Variants in ATP8A2 observed in about 807,000 individuals in gnomAD.
The protein encoded by ATP8A2 is phospholipid-transporting ATPase IB.
In ATP8A2, 100 loss-of-function variants were observed where a neutral mutation model predicts 165.6. The ratio of observed to expected loss-of-function variants is 0.60; its 90% CI spans 0.51 to 0.71. The LOEUF (loss-of-function observed/expected upper bound fraction) is 0.71. ATP8A2 is among the 30% of genes least tolerant of loss of function. The probability of loss-of-function intolerance (pLI) is 0.00; values close to 1 mark genes in which losing one functional copy is unlikely to be tolerated. For missense variants in ATP8A2, 1,227 were observed against 1,479.5 expected (o/e 0.83, Z 2.80); for synonymous variants, 543 against 548.8 (o/e 0.99, Z 0.15).
chr13:25,585,490 T>C (rs1209164877), intron 23 of ATP8A2, among the ~76,000 whole-genome samples: 1 of 152,182 alleles, frequency 6.6e-6, no homozygotes, highest in Non-Finnish European at 1.5e-5. Flanking sequence ...TTAAACCATT[T>C]CTGAATTGAA....
intron 2 of ATP8A2, among the ~76,000 whole-genome samples, chr13:25,481,518 G>A (rs1038472159): frequency 2.6e-5 from 4 of 152,214 alleles, no homozygotes; most frequent in African/African-American, 7.2e-5. Context: ...ATTGGATAAA[G>A]TGATGGATGA....
intron 24 of ATP8A2, among the ~76,000 whole-genome samples, chr13:25,640,079 G>A (rs2041476558): frequency 6.6e-6 from 1 of 152,174 alleles, no homozygotes; most frequent in Non-Finnish European, 1.5e-5. Context: ...AAACATACCA[G>A]AATCTCTGAG....
intron 4 of ATP8A2, among the ~76,000 whole-genome samples, chr13:25,531,219 G>GTT (rs1163954912): frequency 7.7e-5 from 9 of 116,866 alleles, no homozygotes; most frequent in African/African-American, 1.8e-4. Flanking sequence ...TGTTATATAT[G>GTT]ATATATGTTA....
At chr13:25,428,194 GTC>G (rs992259208) in intron 1 of ATP8A2, among the ~76,000 whole-genome samples, 13 of 150,172 alleles carry the variant, frequency 8.7e-5, no homozygotes, top group African/African-American at 3.2e-4. Context: ...AAAAAAAAAA[GTC>G]TGTTAATTAA....
At chr13:25,792,806 G>A (rs559530557) in intron 27 of ATP8A2, among the ~76,000 whole-genome samples, 1 of 151,874 alleles carries the variant, frequency 6.6e-6, no homozygotes, top group South Asian at 2.1e-4. Context: ...TGTAGTCCTA[G>A]CTAGCTCCTT....
chr13:25,910,618 G>T (rs1171114533), intron 33 of ATP8A2, among the ~76,000 whole-genome samples: 1 of 152,160 alleles, frequency 6.6e-6, no homozygotes, highest in Non-Finnish European at 1.5e-5. Flanking sequence ...GGGACAACGG[G>T]TGTCTCCTAT....
chr13:25,679,376 A>C (rs1034242993), intron 24 of ATP8A2, among the ~76,000 whole-genome samples: 2 of 152,216 alleles, frequency 1.3e-5, no homozygotes, highest in African/African-American at 4.8e-5. Context: ...GAGGTTTTGC[A>C]ACAGAATGTT....
chr13:25,842,533 G>A (rs1162150397), intron 30 of ATP8A2, among the ~76,000 whole-genome samples: 2 of 152,208 alleles, frequency 1.3e-5, no homozygotes, highest in East Asian at 1.9e-4. Flanking sequence ...TTAGCTGGGT[G>A]TGGTGGCAGG....
At chr13:25,610,255 A>G (rs1204215378) in intron 24 of ATP8A2, among the ~76,000 whole-genome samples, 2 of 152,106 alleles carry the variant, frequency 1.3e-5, no homozygotes, top group Admixed American at 1.3e-4. Context: ...CAGGTCTTAC[A>G]TTTAAGTCTT....
intron 24 of ATP8A2, among the ~76,000 whole-genome samples, chr13:25,674,723 G>A (rs140073668): frequency 1.1e-4 from 17 of 152,116 alleles, no homozygotes; most frequent in Non-Finnish European, 1.8e-4. Flanking sequence ...TCAACAGTAC[G>A]TTTCCTCCCG....
intron 27 of ATP8A2, among the ~76,000 whole-genome samples, chr13:25,778,691 T>C (rs2044797822): frequency 1.3e-5 from 2 of 152,356 alleles, no homozygotes; most frequent in Middle Eastern, 3.4e-3. Flanking sequence ...TGCTGCTTCC[T>C]GCAGCCCCTT....
chr13:25,871,272 GT>G, intron 33 of ATP8A2: 1 of 319,248 alleles, frequency 3.1e-6, no homozygotes, highest in Non-Finnish European at 6.2e-6. Flanking sequence ...GTCTGATGTG[GT>G]TTTGAACTTT....
At chr13:25,957,044 G>A (rs888828927) in intron 33 of ATP8A2, among the ~76,000 whole-genome samples, 3 of 152,176 alleles carry the variant, frequency 2.0e-5, no homozygotes, top group African/African-American at 4.8e-5. Context: ...TTAATAAATG[G>A]TGTTGGGAAA....
intron 24 of ATP8A2, among the ~76,000 whole-genome samples, chr13:25,654,094 C>A (rs1431994964): frequency 6.6e-6 from 1 of 152,220 alleles, no homozygotes; most frequent in African/African-American, 2.4e-5. Flanking sequence ...CAAAATCCAA[C>A]AAAGCTCTTT....
chr13:25,699,552 C>T (rs1206635009), intron 25 of ATP8A2, among the ~76,000 whole-genome samples: 1 of 152,188 alleles, frequency 6.6e-6, no homozygotes, highest in African/African-American at 2.4e-5. Context: ...TGTTTATTGT[C>T]TTCTGAGAAG....
chr13:25,598,952 A>G (rs1286895687), intron 24 of ATP8A2, among the ~76,000 whole-genome samples: 1 of 152,064 alleles, frequency 6.6e-6, no homozygotes, highest in East Asian at 2.0e-4. Context: ...GCTGCTGCCT[A>G]AGACCCCAAG....
chr13:25,433,608 G>A (rs1028152556), intron 1 of ATP8A2, among the ~76,000 whole-genome samples: 21 of 152,122 alleles, frequency 1.4e-4, no homozygotes, highest in Non-Finnish European at 2.2e-4. Flanking sequence ...TTGTATACAC[G>A]GAAGTGAGTG....
intron 13 of ATP8A2, among the ~76,000 whole-genome samples, chr13:25,558,348 G>GAAT (rs537066509): frequency 0.018 from 2,686 of 152,238 alleles, 75 homozygotes; most frequent in African/African-American, 0.062. Flanking sequence ...CCTAAGGTAC[G>GAAT]AGTATTATAT....
chr13:25,693,294 G>T (rs770190611), intron 24 of ATP8A2, among the ~76,000 whole-genome samples: 2 of 152,154 alleles, frequency 1.3e-5, no homozygotes, highest in African/African-American at 4.8e-5. Flanking sequence ...CAATTGGCTC[G>T]CTTGAGAACT....
Sources: gnomAD v4.1 joint callset for allele counts (sites outside exome capture counted in the v4.1 genomes callset) on GRCh38, gnomAD v4.1.1 for gene constraint, MANE v1.5 for transcripts, NCBI Gene and HGNC (gene_info 2026-07-23, HGNC 2026-07-21) for gene names.